The following DOK6 variants were observed in gnomAD, a reference collection of about 807,000 sequenced individuals.
DOK6 encodes docking protein 6, also known as downstream of tyrosine kinase 6.
A neutral mutation model predicts 44.0 loss-of-function variants in DOK6; 22 were observed. The observed-to-expected ratio is 0.50, with a 90% CI of 0.36 to 0.71. DOK6 has a LOEUF of 0.71. DOK6 is among the 30% of genes least tolerant of loss of function. The probability of loss-of-function intolerance (pLI) is 0.00; values close to 1 mark genes in which losing one functional copy is unlikely to be tolerated. For missense variants in DOK6, 340 were observed against 416.4 expected, an observed-to-expected ratio of 0.82 and a Z score of 1.60; for synonymous variants, 166 against 145.5, an observed-to-expected ratio of 1.14 and a Z score of -1.01.
intron 3 of DOK6, among the ~76,000 whole-genome samples, chr18:69,607,135 A>T (rs1984020210): frequency 6.6e-6 from 1 of 152,188 alleles, no homozygotes; most frequent in African/African-American, 2.4e-5. Context: ...AGAACCCAGA[A>T]CCAGAAACTA....
intron 1 of DOK6, among the ~76,000 whole-genome samples, chr18:69,416,753 A>G (rs1405901397): frequency 1.3e-5 from 2 of 152,108 alleles, no homozygotes; most frequent in African/African-American, 4.8e-5. Context: ...TAGGGCTGTG[A>G]GGGCTGTGCT....
At chr18:69,695,422 A>G (rs963002122) in intron 4 of DOK6, among the ~76,000 whole-genome samples, 2 of 152,256 alleles carry the variant, frequency 1.3e-5, no homozygotes, top group African/African-American at 2.4e-5. Context: ...GAGTGATTTA[A>G]AACGCCTGCT....
At chr18:69,514,096 T>A (rs912646965) in intron 1 of DOK6, among the ~76,000 whole-genome samples, 1 of 152,080 alleles carries the variant, frequency 6.6e-6, no homozygotes, top group African/African-American at 2.4e-5. Flanking sequence ...TTCATTTAGA[T>A]TTTTTCTCTT....
intron 1 of DOK6, among the ~76,000 whole-genome samples, chr18:69,418,433 T>A (rs556568365): frequency 6.6e-6 from 1 of 152,254 alleles, no homozygotes; most frequent in South Asian, 2.1e-4. Flanking sequence ...CTGAGAAATA[T>A]GTAAAGTAGA....
intron 2 of DOK6, among the ~76,000 whole-genome samples, chr18:69,566,588 CGT>C (rs1982989833): frequency 6.6e-6 from 1 of 152,154 alleles, no homozygotes; most frequent in Admixed American, 6.5e-5. Flanking sequence ...CACAGATGGG[CGT>C]GGAGTGTCTG....
intron 1 of DOK6, among the ~76,000 whole-genome samples, chr18:69,405,820 G>C (rs2122381495): frequency 6.6e-6 from 1 of 152,206 alleles, no homozygotes; most frequent in South Asian, 2.1e-4. Context: ...TAGTCATTCT[G>C]ACTATTTAAA....
At chr18:69,714,021 A>G (rs1043037540) in intron 5 of DOK6, among the ~76,000 whole-genome samples, 1 of 152,164 alleles carries the variant, frequency 6.6e-6, no homozygotes, top group Non-Finnish European at 1.5e-5. Context: ...GAGTACCACT[A>G]AAGGGACCTC....
intron 5 of DOK6, among the ~76,000 whole-genome samples, chr18:69,719,988 G>A (rs1268011745): frequency 4.6e-5 from 7 of 152,100 alleles, no homozygotes; most frequent in Non-Finnish European, 8.8e-5. Context: ...TCAAGAGTTC[G>A]AGACCACCCT....
At chr18:69,799,271 A>G (rs1980835143) in intron 7 of DOK6, among the ~76,000 whole-genome samples, 1 of 152,068 alleles carries the variant, frequency 6.6e-6, no homozygotes, top group South Asian at 2.1e-4. Context: ...AGAAATTCCT[A>G]TTCTTTAAGA....
At chr18:69,416,543 A>T (rs1254981771) in intron 1 of DOK6, among the ~76,000 whole-genome samples, 2 of 152,032 alleles carry the variant, frequency 1.3e-5, no homozygotes, top group Non-Finnish European at 2.9e-5. Context: ...CTAGAAATGC[A>T]GCAGAAAGTG....
At chr18:69,551,338 A>T (rs1215794152) in intron 1 of DOK6, among the ~76,000 whole-genome samples, 1 of 152,224 alleles carries the variant, frequency 6.6e-6, no homozygotes, top group African/African-American at 2.4e-5. Flanking sequence ...TTTGTATTAG[A>T]ATTCCACAGT....
intron 7 of DOK6, among the ~76,000 whole-genome samples, chr18:69,758,100 A>C (rs1979419850): frequency 6.6e-6 from 1 of 152,202 alleles, no homozygotes; most frequent in African/African-American, 2.4e-5. Flanking sequence ...AGGGCTAAGG[A>C]CCCCATTTGG....
chr18:69,440,379 A>T (rs1979102589), intron 1 of DOK6, among the ~76,000 whole-genome samples: 1 of 152,206 alleles, frequency 6.6e-6, no homozygotes, highest in South Asian at 2.1e-4. Context: ...AATGGAGGTG[A>T]TAGACTTGCT....
chr18:69,595,956 G>A (rs1013932138), intron 2 of DOK6, among the ~76,000 whole-genome samples: 2 of 152,116 alleles, frequency 1.3e-5, no homozygotes, highest in African/African-American at 2.4e-5. Flanking sequence ...AGAGTTCTCA[G>A]TCTCTTTCCA....
intron 3 of DOK6, among the ~76,000 whole-genome samples, chr18:69,625,218 T>G (rs1045524354): frequency 8.5e-5 from 13 of 152,288 alleles, no homozygotes; most frequent in African/African-American, 2.4e-4. Context: ...AAGACCAAAT[T>G]AAAATTCATT....
At chr18:69,825,427 CTTTTTTTTTTT>C (rs34656265) in intron 7 of DOK6, among the ~76,000 whole-genome samples, 26 of 82,988 alleles carry the variant, frequency 3.1e-4, no homozygotes, top group African/African-American at 1.2e-3. Context: ...ATCATAACTT[CTTTTTTTTTTT>C]TTTTTTTTTT....
intron 1 of DOK6, among the ~76,000 whole-genome samples, chr18:69,480,457 G>A (rs1439058017): frequency 1.3e-5 from 2 of 152,054 alleles, no homozygotes; most frequent in African/African-American, 2.4e-5. Context: ...GAAATGAGGT[G>A]TCTAATGTGT....
At chr18:69,742,637 G>A (rs1978844693) in intron 6 of DOK6, among the ~76,000 whole-genome samples, 1 of 152,160 alleles carries the variant, frequency 6.6e-6, no homozygotes, top group African/African-American at 2.4e-5. Context: ...AGATTATAAA[G>A]TGCTTGCACT....
intron 1 of DOK6, among the ~76,000 whole-genome samples, chr18:69,416,984 G>A (rs1978358520): frequency 6.6e-6 from 1 of 152,052 alleles, no homozygotes. Flanking sequence ...TGGAATACAT[G>A]TAATATTTTG....
Sources: allele counts gnomAD v4.1 joint callset (sites outside exome capture counted in the v4.1 genomes callset), GRCh38; gene constraint gnomAD v4.1.1; transcripts MANE v1.5; gene names NCBI Gene and HGNC (gene_info 2026-07-23, HGNC 2026-07-21).